The following POP1 variants were observed in gnomAD, a reference collection of about 807,000 sequenced individuals.
POP1 encodes the protein POP1 ribonuclease P/MRP subunit.
POP1 carries 75 observed loss-of-function variants against 102.2 expected under a neutral mutation model. The observed-to-expected ratio is 0.73, with a 90% CI of 0.61 to 0.89. The LOEUF is 0.89. POP1 is among the 40% of genes least tolerant of loss of function. POP1 has a pLI of 0.00. For synonymous variants in POP1, 436 were observed against 464.1 expected (o/e 0.94, Z 0.78); for missense variants, 1,116 against 1,267.4 (o/e 0.88, Z 1.81).
chr8:98,138,940 C>T (rs1460022640), intron 9 of POP1, among the ~76,000 whole-genome samples: 1 of 151,524 alleles, frequency 6.6e-6, no homozygotes, highest in Non-Finnish European at 1.5e-5. Flanking sequence ...GCAACCTCCA[C>T]CTCTCAGGTT....
intron 9 of POP1, among the ~76,000 whole-genome samples, chr8:98,138,370 G>C (rs1816610362): frequency 6.6e-6 from 1 of 152,126 alleles, no homozygotes; most frequent in South Asian, 2.1e-4. Flanking sequence ...TGGAATGTCA[G>C]TTCTTGTCTC....
rs1038194746 is a variant in POP1, at chr8:98,120,974, G to A, written c.-2-2362G>A. 4.6e-5 allele frequency among the ~76,000 whole-genome samples: 7 copies of A among 151,964 alleles called. No homozygotes were observed. In the East Asian group the frequency reaches 1.4e-3, roughly 29 times the overall value. On this transcript the variant is annotated intron_variant, in intron 1 of 15. Transcript: ENST00000401707. ...TTTTTGTATTTTTTAGTAGAGATGG[G>A]ATTTCACCATGTTTGCCAGGCTGGT...
At chr8:98,122,982 A>T (rs17764917) in intron 1 of POP1, among the ~76,000 whole-genome samples, 2 of 152,058 alleles carry the variant, frequency 1.3e-5, no homozygotes, top group East Asian at 1.9e-4. Flanking sequence ...TGAAAGCGTC[A>T]GTAATTTGTG....
chr8:98,128,341 T>C (rs1563772359), intron 3 of POP1, 24 bp from the exon 4 acceptor site: 3 of 1,612,086 alleles, frequency 1.9e-6, no homozygotes, highest in African/African-American at 2.7e-5. Context: ...TGGTGTTTAA[T>C]GACTTTGTCA....
intron 14 of POP1, among the ~76,000 whole-genome samples, chr8:98,153,373 G>A (rs1421265112): frequency 6.6e-6 from 1 of 152,088 alleles, no homozygotes; most frequent in Admixed American, 6.5e-5. Context: ...CTTGGACAAG[G>A]AAGAAGGGGG....
rs1455565211 is a variant in POP1 at position 98,130,364 on chromosome 8, G to C, written c.735+138G>C. ...AAATAATTCCTGAGCATGAAGCCCG[G>C]GTCCTTTGCCAGATGCTGGAGATCA... On this transcript the variant is annotated intron_variant, in intron 5 of 15. Coordinates refer to ENST00000401707, the MANE Select transcript of POP1 (RefSeq NM_001145860.2). 7.7e-6 allele frequency: 10 copies of C among 1,297,046 alleles called. No individual in the cohort carries two copies. The East Asian group carries it at 2.4e-4, about 32-fold the overall frequency. The allele number at this position is 1,297,046 out of a possible 1,614,324, so 80.3% of individuals were successfully genotyped here.
intron 10 of POP1, 65 bp downstream of exon 10, chr8:98,140,254 G>A: frequency 7.6e-7 from 1 of 1,307,908 alleles, no homozygotes; most frequent in Non-Finnish European, 1.1e-6. Context: ...TTTTGCAGTT[G>A]GGCCTCCAAC....
chr8:98,128,550 C>T lies in POP1; in HGVS notation c.486+10C>T. 6.2e-7 allele frequency: 1 copy of T among 1,613,142 alleles called. No individual in the cohort carries two copies. Among genetic ancestry groups the T allele is most frequent in the Non-Finnish European group, 8.5e-7 (1 of 1,179,260 alleles). ...GATTGCCCAGAAAGAGGTAGGAGTT[C>T]CACTTAGTGTAAATGTTTAGATTAG... On this transcript the variant is annotated intron_variant, in intron 4 of 15. Transcript: ENST00000401707.
rs1183868527 is a variant in POP1, at chr8:98,134,696, C to T, written c.1011+37C>T. ...CAGGTTATCTCCCGTCATTCTGAAA[C>T]TGCATTTTTAATTACTGCTGGAAGT... On this transcript the variant is annotated intron_variant, in intron 7 of 15. Transcript: ENST00000401707. The T allele has an allele frequency of 1.9e-6, 3 of 1,557,914 alleles. No individual in the cohort carries two copies. In the African/African-American group the frequency reaches 4.1e-5, roughly 21 times the overall value.
rs1309580770 is a variant in POP1 at position 98,133,939 on chromosome 8, C to A, written c.736-10C>A. On this transcript the variant is annotated splice_polypyrimidine_tract_variant and intron_variant, in intron 5 of 15. Coordinates refer to ENST00000401707, the MANE Select transcript of POP1 (RefSeq NM_001145860.2). ...CCTAAGTACTTAATTGTGTCTCCCG[C>A]TTTGTGCAGGATTTATCCTATTACT... is the stretch of plus-strand genomic sequence containing the variant. The A allele has an allele frequency of 1.6e-5, 25 of 1,606,536 alleles. No individual in the cohort carries two copies. The highest frequency in any genetic ancestry group is 2.2e-5 in the East Asian group (1 of 44,822).
intron 2 of POP1, among the ~76,000 whole-genome samples, chr8:98,124,201 A>G (rs1816124131): frequency 6.6e-6 from 1 of 152,114 alleles, no homozygotes; most frequent in African/African-American, 2.4e-5. Context: ...GCATTTCTAG[A>G]CTTCATTTTC....
chr8:98,156,179 A>C lies in POP1; in HGVS notation c.2187A>C (p.Ser729=). 1 of 1,614,084 alleles carries C rather than the reference A, an allele frequency of 6.2e-7. No homozygotes were observed. The highest frequency in any genetic ancestry group is 8.5e-7 in the Non-Finnish European group (1 of 1,180,022). ...CTTACGAAGAACCTTCTGTAGCTTC[A>C]TCTCCAAATGGTAAGGAGAGTGACC... ...VQAYEEPSVA[S]SPNGKESDLR... is the part of the protein sequence containing the mutation. Residue 729 remains serine, a synonymous_variant, in exon 15 of 16, where the codon TCA becomes TCC. Coordinates refer to ENST00000401707, the MANE Select transcript of POP1 (RefSeq NM_001145860.2).
At chr8:98,134,058 G>A in intron 6 of POP1, 22 bp downstream of exon 6, 1 of 1,527,964 alleles carries the variant, frequency 6.5e-7, no homozygotes, top group Non-Finnish European at 9.1e-7. Context: ...TTAAAGCTGA[G>A]TTCTATTTTA....
intron 14 of POP1, among the ~76,000 whole-genome samples, chr8:98,152,677 A>G (rs1809551298): frequency 6.6e-6 from 1 of 152,264 alleles, no homozygotes; most frequent in African/African-American, 2.4e-5. Flanking sequence ...AGCAGGCCAC[A>G]TTTGGCTTGT....
intron 4 of POP1, among the ~76,000 whole-genome samples, chr8:98,128,781 G>C (rs930565670): frequency 2.0e-5 from 3 of 152,050 alleles, no homozygotes; most frequent in Non-Finnish European, 2.9e-5. Context: ...TTAGCTGGGC[G>C]TGATGGTACA....
chr8:98,134,371 C>A, intron 6 of POP1, 101 bp from the exon 7 acceptor site: 1 of 1,238,744 alleles, frequency 8.1e-7, no homozygotes. Context: ...CAAAACTTCA[C>A]CTCTCATGGA....
intron 14 of POP1, among the ~76,000 whole-genome samples, chr8:98,153,980 C>T (rs1809584163): frequency 1.3e-5 from 2 of 152,110 alleles, no homozygotes; most frequent in African/African-American, 4.8e-5. Flanking sequence ...TTAGATTCTG[C>T]AGTGGGGGGA....
chr8:98,134,711 C>G (rs377146649), intron 7 of POP1, 52 bp downstream of exon 7: 12 of 1,510,638 alleles, frequency 7.9e-6, no homozygotes, highest in Non-Finnish European at 1.1e-5. Context: ...TTTTTAATTA[C>G]TGCTGGAAGT....
Position 98,128,550 on chromosome 8 carries a change from C to A in POP1, c.486+10C>A. On this transcript the variant is annotated intron_variant, in intron 4 of 15. Coordinates refer to ENST00000401707, the MANE Select transcript of POP1 (RefSeq NM_001145860.2). Reference sequence around the variant, plus strand: ...GATTGCCCAGAAAGAGGTAGGAGTTCCACTTAGTGTAAATGTTTAGATTAG... The same window carrying A: ...GATTGCCCAGAAAGAGGTAGGAGTTACACTTAGTGTAAATGTTTAGATTAG... 1 of 1,613,142 alleles carries A rather than the reference C, an allele frequency of 6.2e-7. No individual in the cohort carries two copies. The highest frequency in any genetic ancestry group is 1.1e-5 in the South Asian group (1 of 91,026).
Sources: allele counts gnomAD v4.1 joint callset (sites outside exome capture counted in the v4.1 genomes callset), GRCh38; gene constraint gnomAD v4.1.1; transcripts MANE v1.5; gene names NCBI Gene and HGNC (gene_info 2026-07-23, HGNC 2026-07-21).